Variants in VWA5A observed in about 807,000 individuals in gnomAD.
VWA5A encodes von Willebrand factor A domain containing 5A.
Under a neutral mutation model 84.6 loss-of-function variants are expected in VWA5A, and 77 were observed. The observed-to-expected ratio is 0.91, with a 90% CI of 0.76 to 1.10. The LOEUF (loss-of-function observed/expected upper bound fraction) is 1.10. Among genes scored for constraint, VWA5A ranks in the 50% least tolerant of loss-of-function variants. The probability of loss-of-function intolerance (pLI) is 0.00; values close to 1 mark genes in which losing one functional copy is unlikely to be tolerated. For missense variants in VWA5A, 973 were observed against 963.0 expected, an observed-to-expected ratio of 1.01 and a Z score of -0.14; for synonymous variants, 334 against 350.1, an observed-to-expected ratio of 0.95 and a Z score of 0.51.
chr11:124,128,711 T>C (rs1440946560), intron 11 of VWA5A, among the ~76,000 whole-genome samples: 1 of 152,204 alleles, frequency 6.6e-6, no homozygotes, highest in Non-Finnish European at 1.5e-5. Context: ...CGTTGTAAGT[T>C]GTATTCATAG....
At chr11:124,119,239 T>C (rs1178920816) in intron 7 of VWA5A, 150 bp downstream of exon 7, 1 of 747,122 alleles carries the variant, frequency 1.3e-6, no homozygotes, top group Non-Finnish European at 2.2e-6. Flanking sequence ...CATGCAAAAA[T>C]GGTTAGGTTT....
At chr11:124,141,054 C>T (rs1406954191) in intron 15 of VWA5A, among the ~76,000 whole-genome samples, 2 of 152,148 alleles carry the variant, frequency 1.3e-5, no homozygotes, top group African/African-American at 2.4e-5. Context: ...GATGAAATCT[C>T]AAGATGATGG....
rs1163981598 is a variant in VWA5A at position 124,123,690 on chromosome 11, G to A, written c.1050G>A (p.Met350Ile). The stretch of plus-strand genomic sequence containing the variant: ...GTGTGAAGTACACTCAGCAAACAAT[G>A]GAGGAGGCTCTGGGGAGAGTGAAGC... ...PESVKYTQQT[M>I]EEALGRVKLM... The change falls in exon 10 of 19, where the codon ATG (methionine) becomes ATA (isoleucine). Residue 350 changes from methionine (M) to isoleucine (I), a missense_variant. Transcript: ENST00000456829. The A allele has an allele frequency of 6.2e-7, 1 of 1,613,942 alleles. No individual in the cohort carries two copies. Among genetic ancestry groups the A allele is most frequent in the African/African-American group, 1.3e-5 (1 of 74,870 alleles).
intron 5 of VWA5A, 58 bp from the exon 6 acceptor site, chr11:124,118,475 T>G: frequency 6.2e-7 from 1 of 1,611,626 alleles, no homozygotes; most frequent in Non-Finnish European, 8.5e-7. Flanking sequence ...TTTCTTAAGG[T>G]TGAGAGTGTC....
chr11:124,118,869 G>T, intron 6 of VWA5A, 106 bp from the exon 7 acceptor site: 1 of 1,356,112 alleles, frequency 7.4e-7, no homozygotes, highest in South Asian at 1.3e-5. Flanking sequence ...CCTCACCTCT[G>T]TTCCTAGTCA....
intron 11 of VWA5A, among the ~76,000 whole-genome samples, chr11:124,126,507 T>C (rs1400459148): frequency 6.6e-6 from 1 of 152,180 alleles, no homozygotes; most frequent in African/African-American, 2.4e-5. Flanking sequence ...AGTCCTGTAA[T>C]CCCAGCACTT....
At chr11:124,122,876 A>G (rs922996414) in intron 7 of VWA5A, 84 bp from the exon 8 acceptor site, 4 of 1,394,666 alleles carry the variant, frequency 2.9e-6, no homozygotes, top group East Asian at 2.3e-5. Flanking sequence ...CTAGCTCTTA[A>G]TTGAATTCAC....
chr11:124,126,037 G>T (rs1169445516), intron 11 of VWA5A, among the ~76,000 whole-genome samples: 1 of 152,144 alleles, frequency 6.6e-6, no homozygotes, highest in Non-Finnish European at 1.5e-5. Context: ...TCATCAATAA[G>T]CACCTGTATA....
chr11:124,135,219 T>G (rs1272460474), intron 12 of VWA5A, among the ~76,000 whole-genome samples, 185 bp downstream of exon 12: 1 of 152,192 alleles, frequency 6.6e-6, no homozygotes, highest in Non-Finnish European at 1.5e-5. Context: ...AGAAGCCCAC[T>G]GTAGTATCTG....
At chr11:124,122,936 A>G (rs1864952981) in intron 7 of VWA5A, 24 bp from the exon 8 acceptor site, 7 of 1,595,166 alleles carry the variant, frequency 4.4e-6, no homozygotes, top group East Asian at 2.2e-5. Flanking sequence ...TTTGTCTTAC[A>G]GTGGCTTTAT....
At chr11:124,126,759 GAAAAAAAAAAAAGAACAA>G in intron 11 of VWA5A, among the ~76,000 whole-genome samples, 1 of 142,786 alleles carries the variant, frequency 7.0e-6, no homozygotes, top group South Asian at 2.2e-4. Flanking sequence ...AATCCTTCTT[GAAAAAAAAAAAAGAACAA>G]TGGACACCAT....
chr11:124,116,134 G>GCC, intron 1 of VWA5A: 1 of 152,434 alleles, frequency 6.6e-6, no homozygotes, highest in East Asian at 1.9e-4. Flanking sequence ...CTGGTGCTGG[G>GCC]ACTCTGCATT....
At chr11:124,144,885 G>T (rs1402338846) in intron 17 of VWA5A, among the ~76,000 whole-genome samples, 2 of 151,822 alleles carry the variant, frequency 1.3e-5, no homozygotes, top group African/African-American at 2.4e-5. Context: ...TTGGTGGGGG[G>T]GTATAAGGGT....
rs114174262 is a variant in VWA5A, at chr11:124,134,188, C to T, written c.1245-732C>T. 5.1e-3 allele frequency among the ~76,000 whole-genome samples: 777 copies of T among 152,260 alleles called. 11 individuals carry two copies. The highest frequency in any genetic ancestry group is 0.018 in the African/African-American group (737 of 41,544). ...ACGTAGGTCCAGTTAGAAGTCTGTTCCTGAGTCTTACAAGCGTAGAGCATT... is the reference window on the plus strand; with the variant it reads ...ACGTAGGTCCAGTTAGAAGTCTGTTTCTGAGTCTTACAAGCGTAGAGCATT... On this transcript the variant is annotated intron_variant, in intron 11 of 18. Coordinates refer to ENST00000456829, the MANE Select transcript of VWA5A (RefSeq NM_001130142.2).
At position 124,134,922 on chromosome 11, in the gene VWA5A, G is replaced by C; in HGVS notation, c.1247G>C (p.Cys416Ser). Reference sequence around the variant, plus strand: ...CCTCTGTCCTGTTACAATTGCAGGTGTTTCTCATTTGGTATTGGAGAAGGC... The same window carrying C: ...CCTCTGTCCTGTTACAATTGCAGGTCTTTCTCATTTGGTATTGGAGAAGGC... Reference protein sequence around the residue: ...EVRINRQKHRCFSFGIGEGTS... With the variant: ...EVRINRQKHRSFSFGIGEGTS... Residue 416 changes from cysteine to serine, a missense_variant and splice_region_variant, in exon 12 of 19, where the codon TGT becomes TCT. Coordinates refer to ENST00000456829, the MANE Select transcript of VWA5A (RefSeq NM_001130142.2). The C allele has an allele frequency of 6.2e-7, 1 of 1,612,082 alleles. No homozygotes were observed. Among genetic ancestry groups the C allele is most frequent in the East Asian group, 2.2e-5 (1 of 44,834 alleles).
chr11:124,119,071 A>G lies in VWA5A; in HGVS notation c.742A>G (p.Met248Val). The G allele has an allele frequency of 6.2e-7, 1 of 1,614,098 alleles. No homozygotes were observed. The highest frequency in any genetic ancestry group is 1.1e-5 in the South Asian group (1 of 91,040). Residue 248 changes from methionine to valine, a missense_variant, in exon 7 of 19, where the codon ATG becomes GTG. Met to Val is a conservative substitution (Grantham distance 21, BLOSUM62 1). Transcript: ENST00000456829. Reference sequence around the variant, plus strand: ...CCCCAGCGTGGTTTTGGAGATGGGGATGCCTAACATGAAGCCAGGTATTTT... The same window carrying G: ...CCCCAGCGTGGTTTTGGAGATGGGGGTGCCTAACATGAAGCCAGGTATTTT... ...HTPSVVLEMG[M>V]PNMKPGHLMG...
intron 11 of VWA5A, among the ~76,000 whole-genome samples, chr11:124,133,934 C>T (rs772536321): frequency 6.6e-6 from 1 of 152,030 alleles, no homozygotes; most frequent in African/African-American, 2.4e-5. Flanking sequence ...GTTTAGAGAC[C>T]GGGTCTGTCA....
chr11:124,136,546 G>T, intron 13 of VWA5A, 28 bp from the exon 14 acceptor site: 1 of 1,603,558 alleles, frequency 6.2e-7, no homozygotes, highest in Non-Finnish European at 8.5e-7. Context: ...TACATGTTCC[G>T]TCATTTCTAC....
chr11:124,136,269 T>C lies in VWA5A; in HGVS notation c.1500T>C (p.Tyr500=), dbSNP rs1865181689. The C allele has an allele frequency of 4.3e-6, 7 of 1,613,736 alleles. No individual in the cohort carries two copies. In the East Asian group the frequency reaches 1.6e-4, roughly 36 times the overall value. The change falls in exon 13 of 19, where the codon TAT becomes TAC. Residue 500 remains tyrosine, a synonymous_variant. Transcript: ENST00000456829. ...VIFRGQRLIS[Y]AQLTGRMPAA... ...TTAGGGGTCAGAGATTAATCAGCTATGCCCAGCTGACCGGGAGGATGCCAG... is the reference window on the plus strand; with the variant it reads ...TTAGGGGTCAGAGATTAATCAGCTACGCCCAGCTGACCGGGAGGATGCCAG...
Sources: allele counts gnomAD v4.1 joint callset (sites outside exome capture counted in the v4.1 genomes callset), GRCh38; gene constraint gnomAD v4.1.1; transcripts MANE v1.5; gene names NCBI Gene and HGNC (gene_info 2026-07-23, HGNC 2026-07-21).